The following GTF2H1 variants were observed in gnomAD, a reference collection of about 807,000 sequenced individuals.
GTF2H1 encodes the protein general transcription factor IIH subunit 1.
A neutral mutation model predicts 71.2 loss-of-function variants in GTF2H1; 16 were observed. The observed-to-expected ratio is 0.22, with a 90% CI of 0.15 to 0.34. GTF2H1 has a LOEUF of 0.34. Among genes scored for constraint, GTF2H1 ranks in the 10% least tolerant of loss-of-function variants. The pLI, the probability that GTF2H1 is intolerant of heterozygous loss-of-function variation, is 1.00. For synonymous variants in GTF2H1, 215 were observed against 219.0 expected, an observed-to-expected ratio of 0.98 and a Z score of 0.16; for missense variants, 498 against 648.2, an observed-to-expected ratio of 0.77 and a Z score of 2.52.
chr11:18,365,883 C>G lies in GTF2H1; in HGVS notation c.*14C>G. 1.9e-6 allele frequency: 3 copies of G among 1,591,606 alleles called. No individual in the cohort carries two copies. The highest frequency in any genetic ancestry group is 2.6e-6 in the Non-Finnish European group (3 of 1,159,874). On this transcript the variant is annotated 3_prime_UTR_variant, in exon 15 of 15. Transcript: ENST00000265963. ...AAGAAAACGTGAGGTGGCCATGATGCTTACAGGTTTTGTGAGATTGAGAGA... is the reference window on the plus strand; with the variant it reads ...AAGAAAACGTGAGGTGGCCATGATGGTTACAGGTTTTGTGAGATTGAGAGA...
At chr11:18,329,667 T>C (rs150899050) in intron 1 of GTF2H1, among the ~76,000 whole-genome samples, 31 of 152,352 alleles carry the variant, frequency 2.0e-4, no homozygotes, top group African/African-American at 7.2e-4. Flanking sequence ...ATGAACCTTA[T>C]GCTATATCCT....
chr11:18,364,314 G>T (rs1015731439), intron 14 of GTF2H1, among the ~76,000 whole-genome samples: 1 of 152,056 alleles, frequency 6.6e-6, no homozygotes, highest in Admixed American at 6.6e-5. Context: ...AGGAATTTAG[G>T]ACTTCCTGAT....
chr11:18,323,725 C>T (rs1454758211), intron 1 of GTF2H1, among the ~76,000 whole-genome samples: 4 of 152,244 alleles, frequency 2.6e-5, no homozygotes, highest in African/African-American at 9.6e-5. Context: ...GCAGCATGCT[C>T]TGGTGGAACT....
At chr11:18,341,157 G>A in intron 5 of GTF2H1, 104 bp from the exon 6 acceptor site, 1 of 786,200 alleles carries the variant, frequency 1.3e-6, no homozygotes, top group Non-Finnish European at 2.1e-6. Context: ...GTAGAGTTGA[G>A]AGCTTTATGG....
At chr11:18,359,733 C>T (rs1461099481) in intron 13 of GTF2H1, among the ~76,000 whole-genome samples, 1 of 151,954 alleles carries the variant, frequency 6.6e-6, no homozygotes, top group Non-Finnish European at 1.5e-5. Flanking sequence ...TTTATTGAGT[C>T]AGGGTCTCAC....
chr11:18,340,159 C>G (rs2133966082), intron 5 of GTF2H1, among the ~76,000 whole-genome samples: 1 of 152,266 alleles, frequency 6.6e-6, no homozygotes, highest in South Asian at 2.1e-4. Flanking sequence ...TCCTTGCCAC[C>G]TCTATGAAAT....
At chr11:18,364,800 A>G (rs1371012064) in intron 14 of GTF2H1, among the ~76,000 whole-genome samples, 1 of 152,190 alleles carries the variant, frequency 6.6e-6, no homozygotes, top group Non-Finnish European at 1.5e-5. Context: ...AACCCTAAAA[A>G]TAGCAAACTG....
At chr11:18,364,918 T>C (rs1368431562) in intron 14 of GTF2H1, among the ~76,000 whole-genome samples, 1 of 152,036 alleles carries the variant, frequency 6.6e-6, no homozygotes, top group Non-Finnish European at 1.5e-5. Context: ...TAAGGCATTT[T>C]TCCAGTGTTC....
chr11:18,345,499 CTTTTTT>C (rs772599660), intron 7 of GTF2H1, among the ~76,000 whole-genome samples: 1 of 135,026 alleles, frequency 7.4e-6, no homozygotes, highest in African/African-American at 2.7e-5. Flanking sequence ...GCATATGGAT[CTTTTTT>C]TTTTTTTTTT....
intron 1 of GTF2H1, among the ~76,000 whole-genome samples, chr11:18,328,684 G>A (rs536878980): frequency 6.6e-6 from 1 of 151,842 alleles, no homozygotes; most frequent in East Asian, 1.9e-4. Context: ...AAATTAGCCA[G>A]GCATGGTGGC....
intron 13 of GTF2H1, among the ~76,000 whole-genome samples, chr11:18,358,849 C>T (rs1028145719): frequency 6.6e-6 from 1 of 152,116 alleles, no homozygotes; most frequent in African/African-American, 2.4e-5. Flanking sequence ...CAGACGAGTT[C>T]CATAACTAAT....
At chr11:18,355,292 G>A (rs1865517038) in intron 11 of GTF2H1, among the ~76,000 whole-genome samples, 3 of 151,074 alleles carry the variant, frequency 2.0e-5, no homozygotes, top group Admixed American at 6.6e-5. Flanking sequence ...ATAGGCGCCC[G>A]CCACCACGCC....
intron 14 of GTF2H1, among the ~76,000 whole-genome samples, chr11:18,362,305 CCTGCAGGA>C (rs752650861): frequency 6.6e-6 from 1 of 152,030 alleles, no homozygotes; most frequent in African/African-American, 2.4e-5. Context: ...ATAAATAGAG[CCTGCAGGA>C]CTGCAGGACT....
intron 1 of GTF2H1, among the ~76,000 whole-genome samples, chr11:18,325,504 G>A (rs995341787): frequency 8.5e-5 from 13 of 152,290 alleles, no homozygotes; most frequent in African/African-American, 3.1e-4. Flanking sequence ...ATATTACTGG[G>A]TGCTATATTA....
rs1864886803 is a variant in GTF2H1 at position 18,331,187 on chromosome 11, G to A, written c.-15-1873G>A. On this transcript the variant is annotated intron_variant, in intron 1 of 14. Transcript: ENST00000265963. ...TTCTCCCGCTTCAGCATTCCAAGTA[G>A]CTGGGACTGCAGGAGCACATCCTTT... Among the ~76,000 whole-genome samples the A allele has an allele frequency of 2.0e-5, 3 of 152,060 alleles. No homozygotes were observed. The South Asian group carries it at 6.2e-4, about 31-fold the overall frequency.
At chr11:18,339,040 T>A (rs1865096799) in intron 4 of GTF2H1, among the ~76,000 whole-genome samples, 1 of 152,234 alleles carries the variant, frequency 6.6e-6, no homozygotes, top group Non-Finnish European at 1.5e-5. Context: ...TTAGAACAAT[T>A]GGGAATACCT....
At chr11:18,335,169 G>C (rs569871643) in intron 2 of GTF2H1, among the ~76,000 whole-genome samples, 6 of 152,254 alleles carry the variant, frequency 3.9e-5, no homozygotes, top group African/African-American at 1.4e-4. Context: ...TAAACATTTT[G>C]TGCAAGAGTA....
chr11:18,324,642 T>G (rs1387755756), intron 1 of GTF2H1, among the ~76,000 whole-genome samples: 1 of 152,240 alleles, frequency 6.6e-6, no homozygotes, highest in Non-Finnish European at 1.5e-5. Flanking sequence ...ATCTCTGCCT[T>G]ATGCATACTG....
At chr11:18,342,252 C>CTTTTTTTTTTTTTTTTTTTTTTTTT (rs71047585) in intron 7 of GTF2H1, among the ~76,000 whole-genome samples, 1 of 72,720 alleles carries the variant, frequency 1.4e-5, no homozygotes. Flanking sequence ...TTTTCTGTCT[C>CTTTTTTTTTTTTTTTTTTTTTTTTT]TTTTTTTTTT....
Sources: gnomAD v4.1 joint callset for allele counts (sites outside exome capture counted in the v4.1 genomes callset) on GRCh38, gnomAD v4.1.1 for gene constraint, MANE v1.5 for transcripts, NCBI Gene and HGNC (gene_info 2026-07-23, HGNC 2026-07-21) for gene names.